IL1RAPL1: variants seen among roughly 807,000 people sequenced by gnomAD.
IL1RAPL1 encodes interleukin-1 receptor accessory protein-like 1.
In IL1RAPL1, 3 loss-of-function variants were observed where a neutral mutation model predicts 48.4. That is an observed-to-expected ratio of 0.06 (90% CI 0.03 to 0.16). The LOEUF (loss-of-function observed/expected upper bound fraction) is 0.16. Ranked by LOEUF, IL1RAPL1 falls within the 10% of genes least tolerant of loss-of-function variation. The pLI, the probability that IL1RAPL1 is intolerant of heterozygous loss-of-function variation, is 1.00. For synonymous variants in IL1RAPL1, 185 were observed against 187.7 expected, an observed-to-expected ratio of 0.99 and a Z score of 0.12; for missense variants, 349 against 530.6, an observed-to-expected ratio of 0.66 and a Z score of 3.36.
intron 2 of IL1RAPL1, among the ~76,000 whole-genome samples, chrX:29,126,037 G>T (rs944365323): frequency 9.1e-6 from 1 of 109,776 alleles, no homozygotes; most frequent in Non-Finnish European, 1.9e-5. Context: ...GAATTAAAGG[G>T]TATAATATAT....
At chrX:29,910,601 T>G (rs1321366974) in intron 6 of IL1RAPL1, among the ~76,000 whole-genome samples, 1 of 111,978 alleles carries the variant, frequency 8.9e-6, no homozygotes. Flanking sequence ...TCATACATTT[T>G]ATAAATCATT....
At chrX:29,609,648 CTTAAA>C (rs1924029355) in intron 5 of IL1RAPL1, among the ~76,000 whole-genome samples, 1 of 112,166 alleles carries the variant, frequency 8.9e-6, no homozygotes, top group South Asian at 3.7e-4. Flanking sequence ...TTTCACGAGT[CTTAAA>C]TTAGGTAACA....
intron 1 of IL1RAPL1, among the ~76,000 whole-genome samples, chrX:28,668,102 G>C (rs1377557797): frequency 9.0e-6 from 1 of 111,553 alleles, no homozygotes; most frequent in African/African-American, 3.3e-5. Context: ...TTGTTTTAAA[G>C]CCATGTGTGC....
intron 5 of IL1RAPL1, among the ~76,000 whole-genome samples, chrX:29,647,503 C>CAA (rs971674897): frequency 9.0e-6 from 1 of 111,226 alleles, no homozygotes; most frequent in Non-Finnish European, 1.9e-5. Context: ...ATTGTGACAT[C>CAA]AAAAATTCAA....
At chrX:29,381,852 A>ATATATATG (rs1933714785) in intron 3 of IL1RAPL1, among the ~76,000 whole-genome samples, 2 of 99,237 alleles carry the variant, frequency 2.0e-5, no homozygotes, top group Non-Finnish European at 4.0e-5. Context: ...ATATATATAT[A>ATATATATG]TATATATATA....
chrX:28,780,200 G>T (rs1936405608), intron 1 of IL1RAPL1, among the ~76,000 whole-genome samples: 1 of 111,010 alleles, frequency 9.0e-6, no homozygotes, highest in Non-Finnish European at 1.9e-5. Context: ...TCCATGGAAA[G>T]GATAGCTAAT....
At chrX:29,725,948 C>A (rs764438686) in intron 6 of IL1RAPL1, among the ~76,000 whole-genome samples, 1 of 112,163 alleles carries the variant, frequency 8.9e-6, no homozygotes, top group Admixed American at 9.5e-5. Context: ...TCACTGATAG[C>A]AGATTTGTGA....
At chrX:29,260,957 AATAAT>A (rs1437651023) in intron 2 of IL1RAPL1, among the ~76,000 whole-genome samples, 3 of 107,746 alleles carry the variant, frequency 2.8e-5, no homozygotes, top group African/African-American at 1.0e-4. Flanking sequence ...GAACGAATAA[AATAAT>A]AAAATGTATA....
chrX:29,898,713 C>T (rs1345680066), intron 6 of IL1RAPL1, among the ~76,000 whole-genome samples: 1 of 112,119 alleles, frequency 8.9e-6, no homozygotes, highest in Non-Finnish European at 1.9e-5. Flanking sequence ...AAGTATTCAT[C>T]TTTATGCAAT....
rs747932719 is a variant in IL1RAPL1, at chrX:29,214,487, A to G, written c.83-68451A>G. 2.5e-4 allele frequency among the ~76,000 whole-genome samples: 28 copies of G among 111,802 alleles called. No homozygotes were observed. The South Asian group carries it at 0.011, about 42-fold the overall frequency. On this transcript the variant is annotated intron_variant, in intron 2 of 10. Transcript: ENST00000378993. ...TGAGGGGTGATAGGTGCATAGGAGTATATTGTAGTGTTCTCATTACTTTTG... is the reference window on the plus strand; with the variant it reads ...TGAGGGGTGATAGGTGCATAGGAGTGTATTGTAGTGTTCTCATTACTTTTG...
At chrX:29,806,965 T>C (rs976257984) in intron 6 of IL1RAPL1, among the ~76,000 whole-genome samples, 1 of 110,174 alleles carries the variant, frequency 9.1e-6, no homozygotes, top group African/African-American at 3.3e-5. Context: ...GCTTCCCCTT[T>C]GCCTTCTGCC....
intron 1 of IL1RAPL1, among the ~76,000 whole-genome samples, chrX:28,697,957 G>A (rs1935252931): frequency 9.0e-6 from 1 of 111,187 alleles, no homozygotes. Flanking sequence ...ACAAAATGAG[G>A]AAGTTATGTC....
intron 2 of IL1RAPL1, among the ~76,000 whole-genome samples, chrX:29,177,388 G>T (rs753280285): frequency 1.8e-5 from 2 of 111,424 alleles, no homozygotes; most frequent in South Asian, 3.8e-4. Flanking sequence ...CCAAAAATTC[G>T]ATTGCTGTCT....
chrX:28,948,932 T>A (rs1924376837), intron 2 of IL1RAPL1, among the ~76,000 whole-genome samples: 1 of 111,641 alleles, frequency 9.0e-6, no homozygotes, highest in South Asian at 3.7e-4. Context: ...GTAATGAAAG[T>A]TATTTTCCTT....
chrX:29,118,003 G>A (rs778073901), intron 2 of IL1RAPL1, among the ~76,000 whole-genome samples: 2 of 111,961 alleles, frequency 1.8e-5, no homozygotes, highest in African/African-American at 3.2e-5. Flanking sequence ...CTCAAACAAC[G>A]GATTGACTCA....
intron 8 of IL1RAPL1, among the ~76,000 whole-genome samples, chrX:29,928,641 G>A (rs189189928): frequency 2.7e-5 from 3 of 112,081 alleles, no homozygotes; most frequent in Admixed American, 1.9e-4. Context: ...CTGACTGACC[G>A]CTGCCAGAAG....
chrX:28,797,319 C>A (rs758994868), intron 2 of IL1RAPL1, among the ~76,000 whole-genome samples: 14 of 111,907 alleles, frequency 1.3e-4, no homozygotes, highest in Non-Finnish European at 2.1e-4. Flanking sequence ...GCTTGAATTT[C>A]TCCTCAAAAA....
chrX:29,374,848 A>G (rs1203664248), intron 3 of IL1RAPL1, among the ~76,000 whole-genome samples: 5 of 110,986 alleles, frequency 4.5e-5, no homozygotes, highest in Non-Finnish European at 9.4e-5. Flanking sequence ...AAAAAAGGGA[A>G]TGAGCCCAGA....
intron 9 of IL1RAPL1, among the ~76,000 whole-genome samples, chrX:29,949,167 CCT>C (rs1477280329): frequency 8.9e-5 from 10 of 111,884 alleles, no homozygotes; most frequent in African/African-American, 3.2e-4. Context: ...CTTTCCAAAC[CCT>C]CTTTTCATTC....
Sources: gnomAD v4.1 joint callset for allele counts (sites outside exome capture counted in the v4.1 genomes callset) on GRCh38, gnomAD v4.1.1 for gene constraint, MANE v1.5 for transcripts, NCBI Gene and HGNC (gene_info 2026-07-23, HGNC 2026-07-21) for gene names.